SVIL: variants seen among roughly 807,000 people sequenced by gnomAD.
The protein encoded by SVIL is supervillin.
SVIL carries 101 observed loss-of-function variants against 240.4 expected under a neutral mutation model. The observed-to-expected ratio is 0.42, with a 90% CI of 0.36 to 0.50. The LOEUF (loss-of-function observed/expected upper bound fraction) is 0.50, where lower values mean the gene tolerates loss of function less well. Ranked by LOEUF, SVIL falls within the 20% of genes least tolerant of loss-of-function variation. SVIL has a pLI of 0.01. For missense variants in SVIL, 2,512 were observed against 2,818.7 expected, an observed-to-expected ratio of 0.89 and a Z score of 2.46; for synonymous variants, 999 against 1,100.0, an observed-to-expected ratio of 0.91 and a Z score of 1.82.
intron 30 of SVIL, among the ~76,000 whole-genome samples, chr10:29,472,998 G>C (rs1191190688): frequency 2.0e-5 from 3 of 152,124 alleles, no homozygotes; most frequent in African/African-American, 7.2e-5. Flanking sequence ...CTGTACACAG[G>C]GGTACATACG....
intron 30 of SVIL, 155 bp downstream of exon 30, chr10:29,473,683 G>A: frequency 1.1e-6 from 1 of 914,946 alleles, no homozygotes; most frequent in African/African-American, 1.7e-5. Context: ...GGCACAGCCT[G>A]AGACCTGCAG....
chr10:29,721,557 G>A (rs1963984205), intron 1 of SVIL, among the ~76,000 whole-genome samples: 1 of 151,138 alleles, frequency 6.6e-6, no homozygotes, highest in African/African-American at 2.4e-5. Context: ...AAAAGCTGAA[G>A]TGGCTTTATA....
intron 3 of SVIL, among the ~76,000 whole-genome samples, chr10:29,650,317 A>C (rs1334995555): frequency 6.6e-6 from 1 of 152,148 alleles, no homozygotes; most frequent in Admixed American, 6.5e-5. Flanking sequence ...TGGGGAAAGA[A>C]TGTACTGATG....
chr10:29,676,293 T>C (rs997893300), intron 2 of SVIL, among the ~76,000 whole-genome samples: 1 of 152,180 alleles, frequency 6.6e-6, no homozygotes, highest in Non-Finnish European at 1.5e-5. Flanking sequence ...ACCGAACCAC[T>C]GGTGTTTTGG....
At chr10:29,521,153 G>A (rs1423346214) in intron 16 of SVIL, among the ~76,000 whole-genome samples, 1 of 150,752 alleles carries the variant, frequency 6.6e-6, no homozygotes, top group Non-Finnish European at 1.5e-5. Context: ...AACCCGGGAG[G>A]CAGAGGTTGC....
At chr10:29,560,249 G>A (rs1421376157) in intron 3 of SVIL, among the ~76,000 whole-genome samples, 7 of 152,210 alleles carry the variant, frequency 4.6e-5, no homozygotes, top group Admixed American at 4.6e-4. Context: ...GGGGAGAGGT[G>A]ACAGCTGAAG....
chr10:29,518,511 T>C (rs1169800067), intron 16 of SVIL, among the ~76,000 whole-genome samples: 1 of 152,246 alleles, frequency 6.6e-6, no homozygotes, highest in Non-Finnish European at 1.5e-5. Flanking sequence ...GTTTCTATGC[T>C]TTTTGTCTAC....
intron 3 of SVIL, among the ~76,000 whole-genome samples, chr10:29,557,585 A>G (rs542887283): frequency 6.6e-6 from 1 of 152,338 alleles, no homozygotes; most frequent in East Asian, 1.9e-4. Flanking sequence ...TTTCTATAGA[A>G]ATGCAACTAA....
At chr10:29,624,468 G>A (rs528758339) in intron 1 of SVIL, among the ~76,000 whole-genome samples, 8 of 152,222 alleles carry the variant, frequency 5.3e-5, no homozygotes, top group Non-Finnish European at 7.3e-5. Context: ...AATGTGGGAG[G>A]CAGAGGTTGC....
chr10:29,551,847 A>G (rs956007117), intron 5 of SVIL, among the ~76,000 whole-genome samples: 1 of 152,162 alleles, frequency 6.6e-6, no homozygotes, highest in Admixed American at 6.5e-5. Context: ...ATAGTGGCTC[A>G]CACCTGTAAT....
At chr10:29,481,133 GGTGTGTGTGTGTGT>G (rs57479630) in intron 28 of SVIL, among the ~76,000 whole-genome samples, 3 of 141,324 alleles carry the variant, frequency 2.1e-5, no homozygotes, top group Non-Finnish European at 4.6e-5. Flanking sequence ...TAGCTTTAAG[GGTGTGTGTGTGTGT>G]GTGTGTGTGT....
At chr10:29,697,678 C>A (rs1962194272) in intron 1 of SVIL, among the ~76,000 whole-genome samples, 1 of 117,658 alleles carries the variant, frequency 8.5e-6, no homozygotes, top group South Asian at 2.8e-4. Flanking sequence ...CACAAACACT[C>A]TGCCTAGGAA....
Position 29,512,727 on chromosome 10 carries a change from A to G in SVIL, c.3516+8T>C, listed in dbSNP as rs777471933. On this transcript the variant is annotated splice_region_variant and intron_variant, in intron 17 of 37. Transcript: ENST00000355867. ...TCGGAAGGCTTTTCCTAACATGGGG[A>G]ATGTTACCTTCTTGATGAGGGACCG... 1.9e-6 allele frequency: 3 copies of G among 1,614,030 alleles called. No homozygotes were observed. The highest frequency in any genetic ancestry group is 2.5e-6 in the Non-Finnish European group (3 of 1,180,042).
chr10:29,512,889 G>T (rs761414416), intron 16 of SVIL, 28 bp from the exon 17 acceptor site: 36 of 1,606,096 alleles, frequency 2.2e-5, no homozygotes, highest in Admixed American at 8.4e-5. Flanking sequence ...CCGCCACAAA[G>T]AGTTCAGCAC....
chr10:29,663,725 T>C (rs1167252270), intron 2 of SVIL, among the ~76,000 whole-genome samples: 1 of 152,256 alleles, frequency 6.6e-6, no homozygotes, highest in Non-Finnish European at 1.5e-5. Flanking sequence ...AGCGGGACTC[T>C]TCTCCTGCAC....
chr10:29,553,721 C>T (rs1000948189), intron 5 of SVIL, among the ~76,000 whole-genome samples: 5 of 152,204 alleles, frequency 3.3e-5, no homozygotes, highest in African/African-American at 9.6e-5. Context: ...ACAACAATGA[C>T]TGAGTGATTA....
Position 29,488,640 on chromosome 10 carries a change from C to A in SVIL, c.4309G>T (p.Ala1437Ser), listed in dbSNP as rs180877732. ...NLTEQNSNNS[A>S]VPYKRLMLLQ... Reference sequence around the variant, plus strand: ...AGCATCAGCCTCTTGTAGGGCACGGCGCTGTTGTTAGAGTTCTGTTCCGTC... The same window carrying A: ...AGCATCAGCCTCTTGTAGGGCACGGAGCTGTTGTTAGAGTTCTGTTCCGTC... The change falls in exon 23 of 38, where the codon GCC becomes TCC. Residue 1437 changes from alanine to serine, a missense_variant. By Grantham distance (99) the Ala-to-Ser change is moderately conservative. Transcript: ENST00000355867. The A allele has an allele frequency of 2.5e-6, 4 of 1,611,962 alleles. No homozygotes were observed. Among genetic ancestry groups the A allele is most frequent in the South Asian group, 1.1e-5 (1 of 90,366 alleles).
Position 29,604,363 on chromosome 10 carries a change from CTT to C in SVIL, c.-201+30055_-201+30056del, listed in dbSNP as rs71525560. Among the ~76,000 whole-genome samples, 163 of 38,420 alleles carry C rather than the reference CTT, an allele frequency of 4.2e-3. 2 individuals carry two copies. In the South Asian group the frequency reaches 0.11, roughly 26 times the overall value. The allele number at this position is 38,420 out of a possible 152,430, so 25.2% of individuals were successfully genotyped here. ...TACAGGCATGTGCCACCATGTCTGG[CTT>C]TTTTTTTTTTTTTTTTTTTTTTTTT... On this transcript the variant is annotated intron_variant, in intron 1 of 37. Transcript: ENST00000355867.
Position 29,523,661 on chromosome 10 carries a change from C to T in SVIL, c.2953G>A (p.Gly985Arg). 9 of 1,614,022 alleles carry T rather than the reference C, an allele frequency of 5.6e-6. No individual in the cohort carries two copies. Among genetic ancestry groups the T allele is most frequent in the Non-Finnish European group, 6.8e-6 (8 of 1,179,942 alleles). ...SYPILNRARE[G>R]DSHKESKYAV... ...TATTTAGATTCCTTATGGCTGTCTC[C>T]TTCCCTGGCTCGGTTCAGGATGGGG... Residue 985 changes from glycine (G) to arginine (R), a missense_variant, in exon 15 of 38, where the codon GGA (glycine) becomes AGA (arginine). Gly to Arg is a moderately radical substitution (Grantham distance 125). Coordinates refer to ENST00000355867, the MANE Select transcript of SVIL (RefSeq NM_021738.3).
Sources: allele counts gnomAD v4.1 joint callset (sites outside exome capture counted in the v4.1 genomes callset), GRCh38; gene constraint gnomAD v4.1.1; transcripts MANE v1.5; gene names NCBI Gene and HGNC (gene_info 2026-07-23, HGNC 2026-07-21).